PTPN9: variants seen among roughly 807,000 people sequenced by gnomAD.
PTPN9 encodes the protein protein tyrosine phosphatase non-receptor type 9.
A neutral mutation model predicts 69.8 loss-of-function variants in PTPN9; 26 were observed. The ratio of observed to expected loss-of-function variants is 0.37; its 90% CI spans 0.27 to 0.52. The LOEUF (loss-of-function observed/expected upper bound fraction) is 0.52, where lower values mean the gene tolerates loss of function less well. PTPN9 is among the 20% of genes least tolerant of loss of function. The pLI, the probability that PTPN9 is intolerant of heterozygous loss-of-function variation, is 0.91. For synonymous variants in PTPN9, 274 were observed against 272.5 expected, an observed-to-expected ratio of 1.01 and a Z score of -0.05; for missense variants, 549 against 740.3, an observed-to-expected ratio of 0.74 and a Z score of 3.00.
At position 75,479,864 on chromosome 15, in the gene PTPN9, A is replaced by G; in HGVS notation, c.1113T>C (p.Ala371=). 6.2e-7 allele frequency: 1 copy of G among 1,610,646 alleles called. No homozygotes were observed. Among genetic ancestry groups the G allele is most frequent in the East Asian group, 2.2e-5 (1 of 44,834 alleles). The change falls in exon 9 of 13, where the codon GCT becomes GCC. Residue 371 remains alanine, a synonymous_variant. Transcript: ENST00000618819. ...CCAGCTTACCTTGTGTGCCAATGTA[A>G]GCATTCTTCTGCTTGTAGCCATCCA... ...SFMDGYKQKN[A]YIGTQGPLEN...
intron 8 of PTPN9, among the ~76,000 whole-genome samples, chr15:75,482,787 T>TAA (rs36049658): frequency 1.4e-5 from 2 of 144,974 alleles, no homozygotes; most frequent in Non-Finnish European, 3.0e-5. Flanking sequence ...AAAAATAAAT[T>TAA]AAAAAAAAAT....
intron 1 of PTPN9, among the ~76,000 whole-genome samples, chr15:75,555,775 G>A (rs2075074448): frequency 1.3e-5 from 2 of 151,948 alleles, no homozygotes. Context: ...AAAGTAGTGG[G>A]ATTACAGTTA....
At chr15:75,558,044 A>C (rs2075084991) in intron 1 of PTPN9, among the ~76,000 whole-genome samples, 1 of 152,146 alleles carries the variant, frequency 6.6e-6, no homozygotes, top group South Asian at 2.1e-4. Context: ...AAAATACAAA[A>C]ATTGACCAGG....
At chr15:75,532,214 T>C (rs1300767287) in intron 1 of PTPN9, among the ~76,000 whole-genome samples, 4 of 151,880 alleles carry the variant, frequency 2.6e-5, no homozygotes, top group African/African-American at 7.3e-5. Context: ...CTGGCCAACA[T>C]AGTGAATGAA....
rs1171561840 is a variant in PTPN9 at position 75,505,962 on chromosome 15, G to A, written c.681C>T (p.Pro227=). The part of the protein sequence containing the change: ...LKTSEVTQHL[P]RECLPENLGG... ...CCAGGTTTTCTGGAAGACACTCCCT[G>A]GGCAGATGCTGCGTGACCTCAGATG... The change falls in exon 7 of 13, where the codon CCC becomes CCT. Residue 227 remains proline (P), a synonymous_variant. Coordinates refer to ENST00000618819, the MANE Select transcript of PTPN9 (RefSeq NM_002833.4). The A allele has an allele frequency of 1.2e-6, 2 of 1,613,846 alleles. No individual in the cohort carries two copies. The highest frequency in any genetic ancestry group is 1.7e-6 in the Non-Finnish European group (2 of 1,179,890).
chr15:75,559,494 CAT>C (rs1364668867), intron 1 of PTPN9, among the ~76,000 whole-genome samples: 2 of 152,202 alleles, frequency 1.3e-5, no homozygotes, highest in Non-Finnish European at 2.9e-5. Flanking sequence ...CTCTCTGAAA[CAT>C]GTGCTGTGTC....
At chr15:75,481,909 G>A (rs2074638131) in intron 8 of PTPN9, among the ~76,000 whole-genome samples, 1 of 146,354 alleles carries the variant, frequency 6.8e-6, no homozygotes, top group Non-Finnish European at 1.5e-5. Context: ...CGCCCCTACT[G>A]GGAAGTGAGG....
At chr15:75,477,879 C>T (rs1471223590) in intron 9 of PTPN9, among the ~76,000 whole-genome samples, 2 of 128,982 alleles carry the variant, frequency 1.6e-5, no homozygotes, top group Non-Finnish European at 3.1e-5. Flanking sequence ...CTTCCTCTGT[C>T]GCCCAGGCTG....
intron 1 of PTPN9, among the ~76,000 whole-genome samples, chr15:75,560,281 G>A (rs562924435): frequency 6.6e-6 from 1 of 152,264 alleles, no homozygotes; most frequent in East Asian, 1.9e-4. Flanking sequence ...AATCTAGAAA[G>A]GTTATTTTTG....
intron 1 of PTPN9, among the ~76,000 whole-genome samples, chr15:75,542,933 T>C (rs1171700930): frequency 2.0e-5 from 3 of 151,438 alleles, no homozygotes; most frequent in Non-Finnish European, 4.4e-5. Context: ...TGTGCCATGT[T>C]GATGTGCTGC....
chr15:75,484,397 C>T (rs141968484), intron 8 of PTPN9, among the ~76,000 whole-genome samples: 11 of 152,260 alleles, frequency 7.2e-5, no homozygotes, highest in East Asian at 5.8e-4. Context: ...CATCAACAGA[C>T]GAGCCAAACA....
chr15:75,482,564 CAAAAAAAAAAAAA>C (rs145653223), intron 8 of PTPN9, among the ~76,000 whole-genome samples: 2 of 35,388 alleles, frequency 5.7e-5, no homozygotes, highest in Non-Finnish European at 1.0e-4. Flanking sequence ...GACTCCGTCT[CAAAAAAAAAAAAA>C]AAAAAAAAAA....
intron 1 of PTPN9, among the ~76,000 whole-genome samples, chr15:75,530,509 A>ATATTATAATATAATT (rs2074951867): frequency 5.8e-5 from 5 of 86,726 alleles, no homozygotes; most frequent in Non-Finnish European, 1.0e-4. Flanking sequence ...ATATTATAAT[A>ATATTATAATATAATT]TATTATAATA....
At chr15:75,499,127 A>T (rs2074759286) in intron 7 of PTPN9, among the ~76,000 whole-genome samples, 1 of 152,156 alleles carries the variant, frequency 6.6e-6, no homozygotes, top group African/African-American at 2.4e-5. Flanking sequence ...GGTCCAGGGG[A>T]ATCCTGGGCA....
chr15:75,577,776 TTTTA>T (rs2075180312), intron 1 of PTPN9, among the ~76,000 whole-genome samples: 1 of 152,184 alleles, frequency 6.6e-6, no homozygotes, highest in Non-Finnish European at 1.5e-5. Flanking sequence ...TTTTTATTTT[TTTTA>T]TTTATAACAT....
chr15:75,562,167 T>C (rs2075106621), intron 1 of PTPN9, among the ~76,000 whole-genome samples: 2 of 152,168 alleles, frequency 1.3e-5, no homozygotes, highest in Admixed American at 6.6e-5. Flanking sequence ...TGGATTTTCA[T>C]AAAGGCAAAG....
At chr15:75,478,325 G>A (rs531579372) in intron 9 of PTPN9, among the ~76,000 whole-genome samples, 2 of 149,172 alleles carry the variant, frequency 1.3e-5, no homozygotes, top group African/African-American at 2.5e-5. Context: ...GGCTGGTCTC[G>A]AACTTCCAAC....
chr15:75,507,281 TA>T lies in PTPN9; in HGVS notation c.640-1279del, dbSNP rs952258656. Among the ~76,000 whole-genome samples the T allele has an allele frequency of 2.8e-4, 42 of 149,968 alleles. 1 individual carries two copies. The highest frequency in any genetic ancestry group is 5.3e-4 in the Non-Finnish European group (36 of 67,600). On this transcript the variant is annotated intron_variant, in intron 6 of 12. Transcript: ENST00000618819. ...CAACATGGTGAAACCCCATCTCTACTAAAAAAATACAAGAATTAGCTGGGCA... is the reference window on the plus strand; with the variant it reads ...CAACATGGTGAAACCCCATCTCTACTAAAAAATACAAGAATTAGCTGGGCA...
At chr15:75,474,279 G>A (rs1188399057) in intron 9 of PTPN9, among the ~76,000 whole-genome samples, 2 of 152,100 alleles carry the variant, frequency 1.3e-5, no homozygotes, top group Non-Finnish European at 2.9e-5. Flanking sequence ...CAGCACTTTG[G>A]GAGGCCATGG....
Sources: gnomAD v4.1 joint callset for allele counts (sites outside exome capture counted in the v4.1 genomes callset) on GRCh38, gnomAD v4.1.1 for gene constraint, MANE v1.5 for transcripts, NCBI Gene and HGNC (gene_info 2026-07-23, HGNC 2026-07-21) for gene names.